The following WNT3A variants were observed in gnomAD, a reference collection of about 807,000 sequenced individuals.
WNT3A encodes protein Wnt-3a.
A neutral mutation model predicts 37.0 loss-of-function variants in WNT3A; 17 were observed. The ratio of observed to expected loss-of-function variants is 0.46; its 90% CI spans 0.31 to 0.69. The LOEUF is 0.69. Among genes scored for constraint, WNT3A ranks in the 30% least tolerant of loss-of-function variants. The pLI is 0.05. For synonymous variants in WNT3A, 187 were observed against 211.0 expected (o/e 0.89, Z 0.99); for missense variants, 411 against 510.2 (o/e 0.81, Z 1.87).
chr1:228,009,768 G>A (rs894024135), intron 1 of WNT3A, among the ~76,000 whole-genome samples: 1 of 152,190 alleles, frequency 6.6e-6, no homozygotes, highest in African/African-American at 2.4e-5. Context: ...GTTGGCAGAG[G>A]GAGAGGCAAA....
Position 228,060,255 on chromosome 1 carries a change from C to A in WNT3A, c.*790C>A, listed in dbSNP as rs1558297886. 2.2e-6 allele frequency: 3 copies of A among 1,351,776 alleles called. No individual in the cohort carries two copies. Among genetic ancestry groups the A allele is most frequent in the African/African-American group, 1.5e-5 (1 of 67,828 alleles). The allele number at this position is 1,351,776 out of a possible 1,614,324, so 83.7% of individuals were successfully genotyped here. On this transcript the variant is annotated 3_prime_UTR_variant, in exon 4 of 4. Coordinates refer to ENST00000284523, the MANE Select transcript of WNT3A (RefSeq NM_033131.4). ...GCCCACCAGCCACCTCATCCCCAAC[C>A]CCCTGTAAGGTTCCATCCACCCCTG...
In WNT3A at chr1:228,039,416, A is replaced by G. The variant is rs564707363; in HGVS notation, c.314-11240A>G. Among the ~76,000 whole-genome samples the G allele has an allele frequency of 4.6e-5, 7 of 152,258 alleles. No homozygotes were observed. In the East Asian group the frequency reaches 7.7e-4, roughly 17 times the overall value. ...AGGAAGAGGCCAGGCCAGAGACCCA[A>G]TGACCACTGTCTACTCATGGGGGGA... On this transcript the variant is annotated intron_variant, in intron 2 of 3. Coordinates refer to ENST00000284523, the MANE Select transcript of WNT3A (RefSeq NM_033131.4). The surrounding 1 kb of genome is among the most constrained non-coding windows in gnomAD (Gnocchi z 4.1).
intron 3 of WNT3A, among the ~76,000 whole-genome samples, chr1:228,055,182 ATATAT>A (rs2031657542): frequency 5.4e-4 from 14 of 26,104 alleles, no homozygotes; most frequent in Non-Finnish European, 6.1e-4. Flanking sequence ...AAAAAAAAAT[ATATAT>A]ATATATATAT....
chr1:228,010,246 TCTCC>T (rs1388948985), intron 1 of WNT3A, among the ~76,000 whole-genome samples: 10 of 152,090 alleles, frequency 6.6e-5, no homozygotes, highest in Non-Finnish European at 1.3e-4. Context: ...TCTGAGCACC[TCTCC>T]CTTCTTCCCA....
chr1:228,023,600 GAC>G (rs1230407036), intron 2 of WNT3A, among the ~76,000 whole-genome samples: 4 of 152,122 alleles, frequency 2.6e-5, no homozygotes, highest in Admixed American at 6.5e-5. Flanking sequence ...GAAACTGAGA[GAC>G]AGAGAGACAG....
In WNT3A at chr1:228,042,857, A is replaced by T. The variant is rs1366453243; in HGVS notation, c.314-7799A>T. On this transcript the variant is annotated intron_variant, in intron 2 of 3. Coordinates refer to ENST00000284523, the MANE Select transcript of WNT3A (RefSeq NM_033131.4). The surrounding 1 kb of genome is among the most constrained non-coding windows in gnomAD (Gnocchi z 5.2). ...GGATGTGGATGACAGATGATGGGTG[A>T]TGGGTGGATGGATAGATGGGTGGTG... is the stretch of plus-strand genomic sequence containing the variant. Among the ~76,000 whole-genome samples, 1 of 150,550 alleles carries T rather than the reference A, an allele frequency of 6.6e-6. No individual in the cohort carries two copies. The highest frequency in any genetic ancestry group is 1.5e-5 in the Non-Finnish European group (1 of 67,644).
chr1:228,024,695 A>G (rs986556960), intron 2 of WNT3A, among the ~76,000 whole-genome samples: 3 of 152,192 alleles, frequency 2.0e-5, no homozygotes, highest in Non-Finnish European at 4.4e-5. Flanking sequence ...TAGATGTCAT[A>G]CTGAAGCAAG....
intron 2 of WNT3A, among the ~76,000 whole-genome samples, chr1:228,041,257 T>C (rs549957736): frequency 6.6e-6 from 1 of 152,258 alleles, no homozygotes; most frequent in Non-Finnish European, 1.5e-5. Context: ...CATGATTCCC[T>C]GCATCTGACA....
intron 1 of WNT3A, among the ~76,000 whole-genome samples, chr1:228,021,992 G>C (rs1048304740): frequency 1.3e-5 from 2 of 152,232 alleles, no homozygotes; most frequent in Admixed American, 1.3e-4. Context: ...TGAATTCTGA[G>C]CTGAGTTTTG....
In WNT3A at chr1:228,037,182, G is replaced by A. The variant is rs1226208896; in HGVS notation, c.314-13474G>A. Among the ~76,000 whole-genome samples the A allele has an allele frequency of 6.6e-6, 1 of 152,120 alleles. No individual in the cohort carries two copies. Among genetic ancestry groups the A allele is most frequent in the Non-Finnish European group, 1.5e-5 (1 of 67,992 alleles). ...TTCGTACCCAGTGTGGGTGGGGCCT[G>A]CAGCAGTGGCCCTCCCACTCAGCCT... On this transcript the variant is annotated intron_variant, in intron 2 of 3. Transcript: ENST00000284523. This position sits in a 1 kb window ranked among gnomAD's most constrained non-coding sequence, Gnocchi z 4.1.
At chr1:228,056,742 C>G (rs532582929) in intron 3 of WNT3A, among the ~76,000 whole-genome samples, 15 of 152,304 alleles carry the variant, frequency 9.8e-5, no homozygotes, top group African/African-American at 3.6e-4. Context: ...CTGTGAAGCT[C>G]AGAGCCTACT....
intron 2 of WNT3A, among the ~76,000 whole-genome samples, chr1:228,041,408 C>T (rs1049242557): frequency 1.3e-4 from 19 of 151,914 alleles, no homozygotes; most frequent in African/African-American, 4.4e-4. Context: ...CCATCATGCA[C>T]GATCCACCAT....
intron 2 of WNT3A, among the ~76,000 whole-genome samples, chr1:228,028,827 T>C (rs1257647301): frequency 6.6e-6 from 1 of 152,144 alleles, no homozygotes; most frequent in Non-Finnish European, 1.5e-5. Flanking sequence ...TGGCTGCAGG[T>C]TTTTCACAAA....
At chr1:228,021,964 T>C (rs558591618) in intron 1 of WNT3A, among the ~76,000 whole-genome samples, 81 of 152,366 alleles carry the variant, frequency 5.3e-4, no homozygotes, top group Admixed American at 4.6e-3. Flanking sequence ...TCATTTCCTG[T>C]TACAGATCTG....
intron 1 of WNT3A, among the ~76,000 whole-genome samples, chr1:228,010,935 C>T (rs1405295412): frequency 6.6e-6 from 1 of 152,208 alleles, no homozygotes; most frequent in Non-Finnish European, 1.5e-5. Context: ...AAACAACCTC[C>T]TGGGCACAAG....
chr1:228,050,982 C>T lies in WNT3A; in HGVS notation c.579+61C>T. Reference sequence around the variant, plus strand: ...GGAGCCTCCTCAGCAGGGTGTGTGCCCTGGTTCCTTGGGGCATATGGCCCG... The same window carrying T: ...GGAGCCTCCTCAGCAGGGTGTGTGCTCTGGTTCCTTGGGGCATATGGCCCG... On this transcript the variant is annotated intron_variant, in intron 3 of 3. Coordinates refer to ENST00000284523, the MANE Select transcript of WNT3A (RefSeq NM_033131.4). This position sits in a 1 kb window ranked among gnomAD's most constrained non-coding sequence, Gnocchi z 5.0. The T allele has an allele frequency of 6.8e-7, 1 of 1,467,520 alleles. No homozygotes were observed. Among genetic ancestry groups the T allele is most frequent in the Non-Finnish European group, 9.0e-7 (1 of 1,114,078 alleles). The allele number at this position is 1,467,520 out of a possible 1,614,324, so 90.9% of individuals were successfully genotyped here. A position where few individuals can be genotyped will look rare whatever the true frequency, so the allele number is the denominator to read the frequency against.
At position 228,060,164 on chromosome 1, in the gene WNT3A, T is replaced by C; in HGVS notation, c.*699T>C. 2.2e-6 allele frequency: 3 copies of C among 1,350,762 alleles called. No homozygotes were observed. Among genetic ancestry groups the C allele is most frequent in the Non-Finnish European group, 2.0e-6 (2 of 1,021,000 alleles). 83.7% of individuals were successfully genotyped at this position (1,350,762 alleles called of 1,614,324 possible). ...TCTCTCCGCGGGTGGGACTCTTCCCTGGGAACCGCCCTCCTGATTAAGGCG... is the reference window on the plus strand; with the variant it reads ...TCTCTCCGCGGGTGGGACTCTTCCCCGGGAACCGCCCTCCTGATTAAGGCG... On this transcript the variant is annotated 3_prime_UTR_variant, in exon 4 of 4. Transcript: ENST00000284523.
chr1:228,040,972 T>C, intron 2 of WNT3A, among the ~76,000 whole-genome samples: 1 of 71,624 alleles, frequency 1.4e-5, no homozygotes, highest in Non-Finnish European at 2.5e-5. Context: ...GTAGATATTT[T>C]ATATATATAT....
At chr1:228,028,871 C>G (rs939920040) in intron 2 of WNT3A, among the ~76,000 whole-genome samples, 8 of 152,140 alleles carry the variant, frequency 5.3e-5, no homozygotes, top group African/African-American at 1.9e-4. Context: ...GTGGCAGTGG[C>G]TTTATTTAAC....
Sources: allele counts gnomAD v4.1 joint callset (sites outside exome capture counted in the v4.1 genomes callset), GRCh38; gene constraint gnomAD v4.1.1; non-coding constraint Gnocchi (gnomAD v3.1); transcripts MANE v1.5; gene names NCBI Gene and HGNC (gene_info 2026-07-23, HGNC 2026-07-21).